Variants in RNF220 observed in about 807,000 individuals in gnomAD.
The protein encoded by RNF220 is ring finger protein 220.
Under a neutral mutation model 67.1 loss-of-function variants are expected in RNF220, and 7 were observed. That is an observed-to-expected ratio of 0.10 (90% CI 0.06 to 0.20). The LOEUF (loss-of-function observed/expected upper bound fraction) is 0.20. Ranked by LOEUF, RNF220 falls within the 10% of genes least tolerant of loss-of-function variation. RNF220 has a pLI of 1.00. For missense variants in RNF220, 565 were observed against 740.3 expected (o/e 0.76, Z 2.75); for synonymous variants, 270 against 283.2 (o/e 0.95, Z 0.47).
intron 2 of RNF220, among the ~76,000 whole-genome samples, chr1:44,456,974 C>G (rs139404274): frequency 0.011 from 1,675 of 152,156 alleles, 17 homozygotes; most frequent in Middle Eastern, 0.017. Flanking sequence ...ACACACGTCC[C>G]CCCAACCCCT....
Position 44,412,238 on chromosome 1 carries a change from C to T in RNF220, c.141C>T (p.Pro47=). The change falls in exon 2 of 15, where the codon CCC becomes CCT. Residue 47 remains proline (P), a synonymous_variant. Transcript: ENST00000361799. This position sits in a 1 kb window ranked among gnomAD's most constrained non-coding sequence, Gnocchi z 5.3. The part of the protein sequence containing the change: ...DASIPCQQPR[P]FGVPVSVDKD... ...CCATCCCTTGTCAGCAGCCACGACC[C>T]TTTGGTGTACCTGTCTCAGTTGACA... The T allele has an allele frequency of 3.1e-6, 5 of 1,614,216 alleles. No individual in the cohort carries two copies. Among genetic ancestry groups the T allele is most frequent in the Non-Finnish European group, 4.2e-6 (5 of 1,180,048 alleles).
chr1:44,547,579 C>T (rs1194326988), intron 2 of RNF220, among the ~76,000 whole-genome samples: 1 of 152,034 alleles, frequency 6.6e-6, no homozygotes, highest in Non-Finnish European at 1.5e-5. Flanking sequence ...CAGTGTTCTA[C>T]CTTTGACCCT....
At chr1:44,512,401 GC>G (rs1659083537) in intron 2 of RNF220, among the ~76,000 whole-genome samples, 1 of 152,194 alleles carries the variant, frequency 6.6e-6, no homozygotes, top group African/African-American at 2.4e-5. Context: ...CCTGGAAGCT[GC>G]CTTGCTTTGG....
chr1:44,564,388 TGATCTCA>T (rs1663819299), intron 2 of RNF220, among the ~76,000 whole-genome samples: 1 of 152,162 alleles, frequency 6.6e-6, no homozygotes, highest in Non-Finnish European at 1.5e-5. Flanking sequence ...CTGATATAAT[TGATCTCA>T]GCATGGCCCA....
Position 44,650,197 on chromosome 1 carries a change from CG to C in RNF220, c.1629+242del. The C allele has an allele frequency of 6.9e-6, 4 of 581,422 alleles. No homozygotes were observed. In the East Asian group the frequency reaches 1.2e-4, roughly 17 times the overall value. The allele number at this position is 581,422 out of a possible 1,614,324, so 36.0% of individuals were successfully genotyped here. A position where few individuals can be genotyped will look rare whatever the true frequency, so the allele number is the denominator to read the frequency against. ...TCACTGCATTCTCCCTTCCCCGCCCCGGTCCCCGAAGGCCCACTGCATCACA... is the reference window on the plus strand; with the variant it reads ...TCACTGCATTCTCCCTTCCCCGCCCCGTCCCCGAAGGCCCACTGCATCACA... On this transcript the variant is annotated intron_variant, in intron 14 of 14. Coordinates refer to ENST00000361799, the MANE Select transcript of RNF220 (RefSeq NM_018150.4). This position sits in a 1 kb window ranked among gnomAD's most constrained non-coding sequence, Gnocchi z 4.3.
At chr1:44,444,505 G>A (rs1651883310) in intron 2 of RNF220, among the ~76,000 whole-genome samples, 1 of 152,000 alleles carries the variant, frequency 6.6e-6, no homozygotes, top group African/African-American at 2.4e-5. Context: ...TGGTGGTGCA[G>A]TCTCAGCTCA....
intron 2 of RNF220, among the ~76,000 whole-genome samples, chr1:44,439,594 G>A (rs1326022250): frequency 1.3e-5 from 2 of 151,936 alleles, no homozygotes; most frequent in Non-Finnish European, 2.9e-5. Context: ...TACCCCATAG[G>A]CAGTGTGTCC....
intron 2 of RNF220, among the ~76,000 whole-genome samples, chr1:44,602,653 T>C (rs1463960026): frequency 6.6e-6 from 1 of 151,826 alleles, no homozygotes; most frequent in Admixed American, 6.6e-5. Flanking sequence ...GACTCCCGAC[T>C]CCACCCCACA....
At chr1:44,604,223 T>C (rs190617539) in intron 2 of RNF220, among the ~76,000 whole-genome samples, 16 of 152,310 alleles carry the variant, frequency 1.1e-4, no homozygotes, top group Non-Finnish European at 2.1e-4. Flanking sequence ...CAAGCATGTG[T>C]GTGTCCAGAC....
At chr1:44,416,398 T>G (rs1396306932) in intron 2 of RNF220, among the ~76,000 whole-genome samples, 2 of 152,224 alleles carry the variant, frequency 1.3e-5, no homozygotes, top group Non-Finnish European at 2.9e-5. Flanking sequence ...TAAGGAAACT[T>G]CACAACAAAA....
intron 5 of RNF220, among the ~76,000 whole-genome samples, chr1:44,630,587 A>T (rs1163709821): frequency 1.3e-5 from 2 of 152,032 alleles, no homozygotes; most frequent in African/African-American, 4.8e-5. Flanking sequence ...ATGTAAACAA[A>T]CAATCAAAAT....
chr1:44,645,167 C>T lies in RNF220; in HGVS notation c.1311-54C>T. The T allele has an allele frequency of 1.2e-6, 2 of 1,613,194 alleles. No individual in the cohort carries two copies. Among genetic ancestry groups the T allele is most frequent in the Admixed American group, 1.7e-5 (1 of 60,030 alleles). On this transcript the variant is annotated intron_variant, in intron 10 of 14. Coordinates refer to ENST00000361799, the MANE Select transcript of RNF220 (RefSeq NM_018150.4). The surrounding 1 kb of genome is among the most constrained non-coding windows in gnomAD (Gnocchi z 5.0). ...GTTAACGCAGTACTGACCCTCAGGG[C>T]TGTCCTGCCCGCCTTCAGGCCTCAC...
At chr1:44,509,798 A>G (rs1366111326) in intron 2 of RNF220, among the ~76,000 whole-genome samples, 1 of 142,650 alleles carries the variant, frequency 7.0e-6, no homozygotes, top group African/African-American at 2.5e-5. Context: ...AAGGCACGAG[A>G]ATTGCTTGAA....
intron 2 of RNF220, among the ~76,000 whole-genome samples, chr1:44,542,377 G>A (rs1474124636): frequency 6.6e-6 from 1 of 152,210 alleles, no homozygotes; most frequent in Non-Finnish European, 1.5e-5. Flanking sequence ...ACTGAGCCTT[G>A]AGTGACTAGC....
chr1:44,529,952 G>A (rs1190106467), intron 2 of RNF220, among the ~76,000 whole-genome samples: 4 of 151,996 alleles, frequency 2.6e-5, no homozygotes, highest in Admixed American at 2.0e-4. Context: ...TATTTGGGAG[G>A]CTGAGGCAGG....
chr1:44,479,758 C>T (rs1426108318), intron 2 of RNF220, among the ~76,000 whole-genome samples: 3 of 152,082 alleles, frequency 2.0e-5, no homozygotes, highest in Non-Finnish European at 2.9e-5. Flanking sequence ...TTTTTCAACC[C>T]CACAAATTCT....
At chr1:44,516,805 G>T (rs1290626480) in intron 2 of RNF220, among the ~76,000 whole-genome samples, 4 of 151,774 alleles carry the variant, frequency 2.6e-5, no homozygotes, top group Non-Finnish European at 5.9e-5. Context: ...TCACCTTTTT[G>T]TCCTCTCCTG....
Position 44,606,996 on chromosome 1 carries a change from A to G in RNF220, c.626-7169A>G, listed in dbSNP as rs1667314111. Among the ~76,000 whole-genome samples the G allele has an allele frequency of 6.6e-6, 1 of 152,154 alleles. No individual in the cohort carries two copies. The highest frequency in any genetic ancestry group is 1.5e-5 in the Non-Finnish European group (1 of 68,042). ...TACCAAGCTTGCTGCTCCTCCTCCCATTCCATAAATCAGTCAATGTTCTAC... is the reference window on the plus strand; with the variant it reads ...TACCAAGCTTGCTGCTCCTCCTCCCGTTCCATAAATCAGTCAATGTTCTAC... On this transcript the variant is annotated intron_variant, in intron 2 of 14. Transcript: ENST00000361799. The surrounding 1 kb of genome is among the most constrained non-coding windows in gnomAD (Gnocchi z 4.2).
At chr1:44,582,420 A>C (rs1665357274) in intron 2 of RNF220, among the ~76,000 whole-genome samples, 2 of 152,188 alleles carry the variant, frequency 1.3e-5, no homozygotes, top group South Asian at 4.1e-4. Flanking sequence ...TGCAGGAAGA[A>C]ACAGGGGACT....
Sources: gnomAD v4.1 joint callset for allele counts (sites outside exome capture counted in the v4.1 genomes callset) on GRCh38, gnomAD v4.1.1 for gene constraint, Gnocchi (gnomAD v3.1) non-coding constraint, MANE v1.5 for transcripts, NCBI Gene and HGNC (gene_info 2026-07-23, HGNC 2026-07-21) for gene names.